CALN1: variants seen among roughly 807,000 people sequenced by gnomAD.
The protein encoded by CALN1 is calcium-binding protein 8.
In CALN1, 17 loss-of-function variants were observed where a neutral mutation model predicts 30.6. That is an observed-to-expected ratio of 0.56 (90% confidence interval 0.38 to 0.83). CALN1 has a LOEUF of 0.83. Ranked by LOEUF, CALN1 falls within the 40% of genes least tolerant of loss-of-function variation. CALN1 has a pLI of 0.00. For missense variants in CALN1, 291 were observed against 354.9 expected (o/e 0.82, Z 1.45); for synonymous variants, 156 against 131.4 (o/e 1.19, Z -1.28).
intron 3 of CALN1, among the ~76,000 whole-genome samples, chr7:72,271,575 A>AAAATATATATATATATATATATAT: frequency 5.9e-4 from 31 of 52,112 alleles, no homozygotes; most frequent in South Asian, 1.2e-3. Context: ...AAAAAAAAAA[A>AAAATATATATATATATATATATAT]ATATATATAT....
At chr7:72,335,418 C>T (rs1228605574) in intron 2 of CALN1, among the ~76,000 whole-genome samples, 1 of 152,178 alleles carries the variant, frequency 6.6e-6, no homozygotes. Context: ...TGTGTCTCAA[C>T]ACACACAGCG....
intron 2 of CALN1, among the ~76,000 whole-genome samples, chr7:72,348,026 G>A (rs1802734997): frequency 6.6e-6 from 1 of 152,090 alleles, no homozygotes; most frequent in Admixed American, 6.6e-5. Flanking sequence ...AGCTACTTGG[G>A]AGGCTGAGGC....
chr7:71,925,520 T>A (rs947428716), intron 5 of CALN1, among the ~76,000 whole-genome samples: 2 of 151,042 alleles, frequency 1.3e-5, no homozygotes, highest in African/African-American at 4.9e-5. Flanking sequence ...TGTTGTTTGG[T>A]CTGGAAAGTC....
At chr7:71,823,736 A>C (rs10235950) in intron 5 of CALN1, among the ~76,000 whole-genome samples, 1,779 of 151,890 alleles carry the variant, frequency 0.012, 29 homozygotes, top group African/African-American at 0.041. Flanking sequence ...AAAATAAAAA[A>C]AATTAATAAA....
intron 1 of CALN1, among the ~76,000 whole-genome samples, chr7:72,437,741 C>T (rs1040482810): frequency 5.4e-5 from 7 of 130,476 alleles, no homozygotes; most frequent in Admixed American, 2.5e-4. Context: ...CCCCTCCCAC[C>T]CTTCCTTCCT....
At chr7:71,950,670 C>T (rs1796644640) in intron 5 of CALN1, among the ~76,000 whole-genome samples, 1 of 152,152 alleles carries the variant, frequency 6.6e-6, no homozygotes. Context: ...ACTGTAAATC[C>T]AGTCAGAACA....
chr7:71,949,699 C>A (rs1235603274), intron 5 of CALN1, among the ~76,000 whole-genome samples: 2 of 151,916 alleles, frequency 1.3e-5, no homozygotes, highest in African/African-American at 2.4e-5. Flanking sequence ...ATTTAAACCC[C>A]AAAAAATTCT....
rs562541316 is a variant in CALN1 at position 71,959,221 on chromosome 7, T to G, written c.501+64436A>C. ...CATGGTTCAGGAGGAGCTTCCCTTC[T>G]GCCTGGTCTTAAATGACAAGCTAAC... On this transcript the variant is annotated intron_variant, in intron 5 of 6. Coordinates refer to ENST00000395275, the MANE Select transcript of CALN1 (RefSeq NM_031468.4). 5.3e-5 allele frequency among the ~76,000 whole-genome samples: 8 copies of G among 152,300 alleles called. No homozygotes were observed. In the East Asian group the frequency reaches 1.4e-3, roughly 26 times the overall value.
At position 72,403,366 on chromosome 7, in the gene CALN1, G is replaced by A. The variant is rs770206451; in HGVS notation, c.4C>T (p.Arg2Trp). The A allele has an allele frequency of 1.0e-5, 16 of 1,545,088 alleles. No homozygotes were observed. The highest frequency in any genetic ancestry group is 5.5e-5 in the African/African-American group (4 of 72,996). The change falls in exon 2 of 7, where the codon CGG becomes TGG. Residue 2 changes from arginine to tryptophan, a missense_variant. Physicochemically the swap from Arg to Trp is moderately radical, Grantham distance 101 (BLOSUM62 -3). Around this residue, in one of 2 missense-constraint regions of CALN1, gnomAD observed 122 missense variants for 103.2 expected, o/e 1.18. Coordinates refer to ENST00000395275, the MANE Select transcript of CALN1 (RefSeq NM_031468.4). M[R>W]LPEQPGEGKP... ...CCCTCTCCGGGTTGCTCTGGCAGCC[G>A]CATCGGGGGTCCAGGGCGATGTTCT...
At chr7:72,245,829 T>C (rs1259866649) in intron 3 of CALN1, among the ~76,000 whole-genome samples, 6 of 152,136 alleles carry the variant, frequency 3.9e-5, no homozygotes, top group Non-Finnish European at 7.4e-5. Context: ...CTTCTTTCAA[T>C]AGCGACTGTG....
chr7:71,856,522 T>C (rs997447118), intron 5 of CALN1, among the ~76,000 whole-genome samples: 1 of 152,178 alleles, frequency 6.6e-6, no homozygotes, highest in Non-Finnish European at 1.5e-5. Flanking sequence ...TTATTATATG[T>C]ATATATATGA....
chr7:71,966,397 T>C (rs1412021966), intron 5 of CALN1, among the ~76,000 whole-genome samples: 1 of 152,128 alleles, frequency 6.6e-6, no homozygotes, highest in African/African-American at 2.4e-5. Flanking sequence ...GGTGGGGTGG[T>C]GGGAGGTGGC....
intron 3 of CALN1, among the ~76,000 whole-genome samples, chr7:72,236,261 T>C (rs1274256713): frequency 6.6e-6 from 1 of 152,166 alleles, no homozygotes; most frequent in Non-Finnish European, 1.5e-5. Context: ...GGTTGGGTAT[T>C]ATCATTAAGT....
chr7:72,421,874 A>G (rs956152201), intron 1 of CALN1, among the ~76,000 whole-genome samples: 1 of 152,134 alleles, frequency 6.6e-6, no homozygotes, highest in Non-Finnish European at 1.5e-5. Flanking sequence ...ATGAGAATAT[A>G]TGGCATTTGG....
At chr7:72,352,514 A>AT (rs1185615702) in intron 2 of CALN1, among the ~76,000 whole-genome samples, 1 of 152,070 alleles carries the variant, frequency 6.6e-6, no homozygotes, top group Non-Finnish European at 1.5e-5. Flanking sequence ...ATTCCCCAAG[A>AT]TTTTACAAGT....
intron 3 of CALN1, among the ~76,000 whole-genome samples, chr7:72,109,067 CA>C (rs1419410114): frequency 1.4e-4 from 21 of 152,288 alleles, no homozygotes; most frequent in African/African-American, 4.3e-4. Flanking sequence ...ACCCTTCTTT[CA>C]TCTTAGTGTG....
intron 6 of CALN1, among the ~76,000 whole-genome samples, chr7:71,802,450 G>A (rs1787362917): frequency 6.6e-6 from 1 of 152,108 alleles, no homozygotes; most frequent in Non-Finnish European, 1.5e-5. Flanking sequence ...AACCTGTTAT[G>A]GGGATATGGG....
chr7:71,873,001 AT>A lies in CALN1; in HGVS notation c.502-62510del, dbSNP rs371153112. On this transcript the variant is annotated intron_variant, in intron 5 of 6. Coordinates refer to ENST00000395275, the MANE Select transcript of CALN1 (RefSeq NM_031468.4). ...AGTTAAACACACAAAGTTTGTGACA[AT>A]TTTTTTTTTTTTTTTTTTTGAGATG... is the stretch of plus-strand genomic sequence containing the variant. Among the ~76,000 whole-genome samples, 1,149 of 115,600 alleles carry A rather than the reference AT, an allele frequency of 9.9e-3. 7 individuals are homozygous for A. The highest frequency in any genetic ancestry group is 0.013 in the Admixed American group (136 of 10,822). The allele number at this position is 115,600 out of a possible 152,430, so 75.8% of individuals were successfully genotyped here.
intron 5 of CALN1, among the ~76,000 whole-genome samples, chr7:71,884,787 A>G (rs956650689): frequency 6.6e-6 from 1 of 152,174 alleles, no homozygotes; most frequent in Non-Finnish European, 1.5e-5. Flanking sequence ...TTTCTTTGCC[A>G]TATTTTGAAA....
Sources: allele counts gnomAD v4.1 joint callset (sites outside exome capture counted in the v4.1 genomes callset), GRCh38; gene constraint gnomAD v4.1.1; regional missense constraint gnomAD v4.1.1; transcripts MANE v1.5; gene names NCBI Gene and HGNC (gene_info 2026-07-23, HGNC 2026-07-21).